Variants in LARGE1 observed in about 807,000 individuals in gnomAD.
LARGE1 encodes the protein xylosyl- and glucuronyltransferase LARGE1.
LARGE1 carries 43 observed loss-of-function variants against 87.6 expected under a neutral mutation model. The ratio of observed to expected loss-of-function variants is 0.49; its 90% CI spans 0.38 to 0.63. LARGE1 has a LOEUF of 0.63. LARGE1 is among the 30% of genes least tolerant of loss of function. The pLI, the probability that LARGE1 is intolerant of heterozygous loss-of-function variation, is 0.00. For synonymous variants in LARGE1, 434 were observed against 394.6 expected, an observed-to-expected ratio of 1.10 and a Z score of -1.18; for missense variants, 802 against 1,000.2, an observed-to-expected ratio of 0.80 and a Z score of 2.67.
At chr22:33,583,789 C>T (rs2078589339) in intron 5 of LARGE1, among the ~76,000 whole-genome samples, 1 of 152,210 alleles carries the variant, frequency 6.6e-6, no homozygotes, top group Non-Finnish European at 1.5e-5. Flanking sequence ...TCAGTACACA[C>T]ATATCTCCCC....
intron 2 of LARGE1, among the ~76,000 whole-genome samples, chr22:33,680,407 A>T (rs564012675): frequency 2.9e-4 from 44 of 149,980 alleles, no homozygotes; most frequent in African/African-American, 1.0e-3. Context: ...ACTGACAGAG[A>T]GCAGATCTCA....
At chr22:33,628,306 A>C (rs1430036316) in intron 3 of LARGE1, among the ~76,000 whole-genome samples, 1 of 142,364 alleles carries the variant, frequency 7.0e-6, no homozygotes, top group East Asian at 2.1e-4. Context: ...ATTCTGAAAC[A>C]GACTGTTTTT....
At chr22:33,747,865 T>A (rs562270277) in intron 2 of LARGE1, 1 of 152,128 alleles carries the variant, frequency 6.6e-6, no homozygotes, top group South Asian at 2.1e-4. Flanking sequence ...GGGGATTATT[T>A]CACTGTATCA....
rs554785303 is a variant in LARGE1, at chr22:33,554,675, C to T, written c.787+10173G>A. Among the ~76,000 whole-genome samples, 3 of 152,324 alleles carry T rather than the reference C, an allele frequency of 2.0e-5. No individual in the cohort carries two copies. In the East Asian group the frequency reaches 5.8e-4, roughly 29 times the overall value. On this transcript the variant is annotated intron_variant, in intron 6 of 14. Coordinates refer to ENST00000397394, the MANE Select transcript of LARGE1 (RefSeq NM_133642.5). The stretch of plus-strand genomic sequence containing the variant: ...CTGCTGCCAACTCTTTTTGAAAGTA[C>T]TGTTTTCCTGTCGCACTTTTTATAT...
intron 6 of LARGE1, among the ~76,000 whole-genome samples, chr22:33,443,546 G>A (rs914560146): frequency 1.3e-5 from 2 of 152,130 alleles, no homozygotes; most frequent in African/African-American, 4.8e-5. Context: ...ATTGAGCTGA[G>A]AGGACATCCT....
intron 4 of LARGE1, among the ~76,000 whole-genome samples, chr22:33,606,373 C>G (rs2079261165): frequency 6.6e-6 from 1 of 151,046 alleles, no homozygotes; most frequent in African/African-American, 2.4e-5. Context: ...CGACTGCACT[C>G]CAGCCTGGGT....
intron 2 of LARGE1, among the ~76,000 whole-genome samples, chr22:33,711,626 G>A (rs2082733854): frequency 6.6e-6 from 1 of 152,094 alleles, no homozygotes; most frequent in Non-Finnish European, 1.5e-5. Flanking sequence ...CACAGAGAAG[G>A]GAAAAGGTAA....
intron 13 of LARGE1, 127 bp from the exon 14 acceptor site, chr22:33,277,382 CA>C (rs1929540258): frequency 3.4e-6 from 3 of 890,626 alleles, no homozygotes; most frequent in African/African-American, 1.6e-5. Flanking sequence ...GTCTCCCTCC[CA>C]AAAGCTATGT....
At chr22:33,071,994 T>TCCCCTAAA in the LARGE1 span, among the ~76,000 whole-genome samples, 1 of 151,680 alleles carries the variant, frequency 6.6e-6, no homozygotes, top group Admixed American at 6.6e-5. Flanking sequence ...TAAATGCAGA[T>TCCCCTAAA]TGGAGCACTA....
At chr22:33,458,521 T>TC (rs1206045270) in intron 6 of LARGE1, among the ~76,000 whole-genome samples, 1 of 152,120 alleles carries the variant, frequency 6.6e-6, no homozygotes, top group African/African-American at 2.4e-5. Context: ...AACCTCCGCT[T>TC]CCCGGGTTCA....
At chr22:33,654,969 G>A (rs2080920607) in intron 2 of LARGE1, among the ~76,000 whole-genome samples, 1 of 152,180 alleles carries the variant, frequency 6.6e-6, no homozygotes, top group Non-Finnish European at 1.5e-5. Context: ...TCTACACTAC[G>A]TTAATCAAGA....
chr22:33,076,640 TG>T, the LARGE1 span, among the ~76,000 whole-genome samples: 1 of 152,278 alleles, frequency 6.6e-6, no homozygotes, highest in South Asian at 2.1e-4. Context: ...ATGTTTCAGC[TG>T]GAAGAGGGAA....
At chr22:33,255,416 G>A (rs954132852) in intron 11 of LARGE1, among the ~76,000 whole-genome samples, 1 of 152,204 alleles carries the variant, frequency 6.6e-6, no homozygotes, top group African/African-American at 2.4e-5. Flanking sequence ...CCAAATGCTG[G>A]AGAGGCTTCC....
intron 10 of LARGE1, among the ~76,000 whole-genome samples, chr22:33,332,092 C>G (rs1426425322): frequency 6.6e-6 from 1 of 152,130 alleles, no homozygotes; most frequent in Non-Finnish European, 1.5e-5. Context: ...AGCCCTGTGT[C>G]TGGCGACTAC....
the LARGE1 span, among the ~76,000 whole-genome samples, chr22:33,135,480 C>A: frequency 7.9e-5 from 12 of 152,164 alleles, no homozygotes; most frequent in African/African-American, 2.4e-4. Context: ...GGAAAATAAA[C>A]AACATTCCAT....
intron 6 of LARGE1, among the ~76,000 whole-genome samples, chr22:33,438,088 T>C (rs571232218): frequency 1.4e-3 from 207 of 152,240 alleles, no homozygotes; most frequent in African/African-American, 4.7e-3. Context: ...ACAGCATGGA[T>C]GATACAGGTG....
chr22:33,605,811 A>T (rs1270369352), intron 4 of LARGE1, among the ~76,000 whole-genome samples: 1 of 152,188 alleles, frequency 6.6e-6, no homozygotes, highest in Non-Finnish European at 1.5e-5. Flanking sequence ...AGCGCAGTTA[A>T]ATATAAGCAC....
intron 6 of LARGE1, among the ~76,000 whole-genome samples, chr22:33,469,012 C>T (rs1355086056): frequency 6.6e-6 from 1 of 152,102 alleles, no homozygotes; most frequent in East Asian, 1.9e-4. Context: ...GTCAAAAGGG[C>T]TATTATTAAA....
chr22:33,198,062 A>G (rs1924169557), intron 11 of LARGE1, among the ~76,000 whole-genome samples: 1 of 152,198 alleles, frequency 6.6e-6, no homozygotes, highest in Admixed American at 6.5e-5. Flanking sequence ...CTCAAACCAC[A>G]TGTGCATACA....
Sources: gnomAD v4.1 joint callset for allele counts (sites outside exome capture counted in the v4.1 genomes callset) on GRCh38, gnomAD v4.1.1 for gene constraint, MANE v1.5 for transcripts, NCBI Gene and HGNC (gene_info 2026-07-23, HGNC 2026-07-21) for gene names.